RANBP2: variants seen among roughly 807,000 people sequenced by gnomAD.
RANBP2 encodes E3 SUMO-protein ligase RanBP2.
RANBP2 carries 57 observed loss-of-function variants against 303.6 expected under a neutral mutation model. That is an observed-to-expected ratio of 0.19 (90% CI 0.15 to 0.23). RANBP2 has a LOEUF of 0.23. RANBP2 is among the 10% of genes least tolerant of loss of function. RANBP2 has a pLI of 1.00. For synonymous variants in RANBP2, 1,167 were observed against 1,301.5 expected, an observed-to-expected ratio of 0.90 and a Z score of 2.23; for missense variants, 3,138 against 3,780.8, an observed-to-expected ratio of 0.83 and a Z score of 4.46.
chr2:109,251,297 A>G, the RANBP2 span: 1 of 399,244 alleles, frequency 2.5e-6, no homozygotes, highest in East Asian at 6.1e-5. Context: ...GTGAGCCACC[A>G]TGCCCGGCCC....
At chr2:108,906,715 G>T in the RANBP2 span, among the ~76,000 whole-genome samples, 22,423 of 152,206 alleles carry the variant, frequency 0.15, 3,105 homozygotes, top group African/African-American at 0.37. Flanking sequence ...GCCGTGCGGG[G>T]CTCCCATCCC....
chr2:109,720,276 C>T, the RANBP2 span, among the ~76,000 whole-genome samples: 38 of 146,008 alleles, frequency 2.6e-4, no homozygotes, highest in Non-Finnish European at 4.6e-4. Flanking sequence ...CACACACATA[C>T]ACTCACACAC....
chr2:108,814,673 AT>A, the RANBP2 span, among the ~76,000 whole-genome samples: 109 of 141,780 alleles, frequency 7.7e-4, 1 homozygote, highest in East Asian at 4.2e-3. Flanking sequence ...AATATTTTTA[AT>A]TTTTTTTTTT....
chr2:109,701,488 G>A, the RANBP2 span, among the ~76,000 whole-genome samples: 1 of 152,186 alleles, frequency 6.6e-6, no homozygotes, highest in Non-Finnish European at 1.5e-5. Context: ...CTCCAGGTCA[G>A]AAGTAGACAA....
chr2:108,856,992 G>A, the RANBP2 span: 4 of 1,235,072 alleles, frequency 3.2e-6, no homozygotes, highest in Non-Finnish European at 4.4e-6. Flanking sequence ...AGTTCTATAT[G>A]TGTAAAGAAA....
the RANBP2 span, among the ~76,000 whole-genome samples, chr2:109,703,878 T>C: frequency 6.6e-6 from 1 of 152,204 alleles, no homozygotes; most frequent in African/African-American, 2.4e-5. Context: ...AGGTTGTCAA[T>C]TACCTGTTGA....
chr2:109,693,434 C>G, the RANBP2 span, among the ~76,000 whole-genome samples: 2 of 152,208 alleles, frequency 1.3e-5, no homozygotes, highest in African/African-American at 4.8e-5. Context: ...GCTGGTATTA[C>G]AGGTGTGAGC....
At chr2:109,336,230 C>G in the RANBP2 span, among the ~76,000 whole-genome samples, 1 of 152,204 alleles carries the variant, frequency 6.6e-6, no homozygotes, top group Admixed American at 6.5e-5. Context: ...TTCTCCCTCA[C>G]TGGGGAAGAG....
the RANBP2 span, among the ~76,000 whole-genome samples, chr2:109,506,096 G>C: frequency 6.6e-6 from 1 of 152,200 alleles, no homozygotes; most frequent in Non-Finnish European, 1.5e-5. Flanking sequence ...ACCACAGAGA[G>C]AACAGTGGGA....
At chr2:109,263,812 C>G in the RANBP2 span, among the ~76,000 whole-genome samples, 1 of 152,098 alleles carries the variant, frequency 6.6e-6, no homozygotes, top group Non-Finnish European at 1.5e-5. Context: ...TAAAAAAATA[C>G]AAAAAATTAG....
the RANBP2 span, chr2:109,615,360 C>T: frequency 6.2e-7 from 1 of 1,612,786 alleles, no homozygotes; most frequent in Non-Finnish European, 8.5e-7. Flanking sequence ...CACCTGCGAG[C>T]CCGGCCTGCT....
chr2:108,944,145 G>C, the RANBP2 span, among the ~76,000 whole-genome samples: 6 of 152,066 alleles, frequency 3.9e-5, no homozygotes, highest in Non-Finnish European at 7.4e-5. Flanking sequence ...ACAGAGTCTC[G>C]CTCTGTCAGC....
At chr2:109,412,848 A>T in the RANBP2 span, among the ~76,000 whole-genome samples, 1 of 152,388 alleles carries the variant, frequency 6.6e-6, no homozygotes, top group East Asian at 1.9e-4. Flanking sequence ...ACTTCTTGCC[A>T]TGAAAATACA....
At chr2:109,398,929 G>T in the RANBP2 span, 1 of 1,611,796 alleles carries the variant, frequency 6.2e-7, no homozygotes, top group South Asian at 1.1e-5. Flanking sequence ...TCTGTCGTGC[G>T]CTGCTCCCAC....
At chr2:109,432,747 G>C in the RANBP2 span, 3 of 1,510,988 alleles carry the variant, frequency 2.0e-6, no homozygotes, top group Non-Finnish European at 2.7e-6. Flanking sequence ...GTTACTGCTG[G>C]AGGCTACTCT....
At chr2:108,734,482 T>G (rs1238725253) in intron 4 of RANBP2, among the ~76,000 whole-genome samples, 1 of 123,228 alleles carries the variant, frequency 8.1e-6, no homozygotes, top group East Asian at 2.0e-4. Context: ...AGAAACCAGT[T>G]TGGGGGTTCT....
At chr2:108,858,008 A>G in the RANBP2 span, among the ~76,000 whole-genome samples, 233 of 152,328 alleles carry the variant, frequency 1.5e-3, no homozygotes, top group African/African-American at 3.6e-3. Flanking sequence ...ATTAGAGGAG[A>G]TAGTCAACAG....
the RANBP2 span, among the ~76,000 whole-genome samples, chr2:109,211,855 C>A: frequency 6.6e-6 from 1 of 152,126 alleles, no homozygotes; most frequent in Non-Finnish European, 1.5e-5. Context: ...GTTGGCCAGG[C>A]TGGTTTCAAA....
the RANBP2 span, chr2:108,929,355 C>T: frequency 1.2e-6 from 2 of 1,614,012 alleles, no homozygotes; most frequent in South Asian, 1.1e-5. Context: ...CCGTAGTCCT[C>T]GTCTTTGGTG....
Sources: allele counts gnomAD v4.1 joint callset (sites outside exome capture counted in the v4.1 genomes callset), GRCh38; gene constraint gnomAD v4.1.1; transcripts MANE v1.5; gene names NCBI Gene and HGNC (gene_info 2026-07-23, HGNC 2026-07-21).